Variants in MEF2A observed in about 807,000 individuals in gnomAD.
MEF2A encodes the protein myocyte enhancer factor 2A.
Under a neutral mutation model 55.8 loss-of-function variants are expected in MEF2A, and 28 were observed. The ratio of observed to expected loss-of-function variants is 0.50; its 90% CI spans 0.37 to 0.69. The LOEUF (loss-of-function observed/expected upper bound fraction) is 0.69, where lower values mean the gene tolerates loss of function less well. Among genes scored for constraint, MEF2A ranks in the 30% least tolerant of loss-of-function variants. The probability of loss-of-function intolerance (pLI) is 0.00; values close to 1 mark genes in which losing one functional copy is unlikely to be tolerated. For synonymous variants in MEF2A, 239 were observed against 227.1 expected (o/e 1.05, Z -0.47); for missense variants, 528 against 626.2 (o/e 0.84, Z 1.67).
rs1135555 is a variant in MEF2A at position 99,671,346 on chromosome 15, T to A, written c.282T>A (p.Asn94Lys). 1 of 1,611,412 alleles carries A rather than the reference T, an allele frequency of 6.2e-7. No individual in the cohort carries two copies. The change falls in exon 5 of 12, where the codon AAT becomes AAA. Residue 94 changes from asparagine to lysine, a missense_variant. Transcript: ENST00000557942. ...IVETLRKKGLNGCESPDADDY... is the reference protein window; with the variant it reads ...IVETLRKKGLKGCESPDADDY... ...AGACTTTAAGAAAGAAAGGCCTTAATGGTTGTGAGAGCCCTGATGCTGACG... is the reference window on the plus strand; with the variant it reads ...AGACTTTAAGAAAGAAAGGCCTTAAAGGTTGTGAGAGCCCTGATGCTGACG...
intron 7 of MEF2A, among the ~76,000 whole-genome samples, chr15:99,689,540 G>A (rs1390020271): frequency 1.3e-5 from 2 of 152,164 alleles, no homozygotes; most frequent in Non-Finnish European, 2.9e-5. Context: ...TAGTGCAGGG[G>A]CATGATCTCA....
At chr15:99,657,110 C>T (rs750446323) in intron 4 of MEF2A, among the ~76,000 whole-genome samples, 49 of 152,116 alleles carry the variant, frequency 3.2e-4, no homozygotes, top group Non-Finnish European at 6.3e-4. Context: ...AAGGTCCATC[C>T]GTATGGTAGC....
At chr15:99,690,195 T>G in intron 7 of MEF2A, 46 bp from the exon 8 acceptor site, 3 of 1,566,404 alleles carry the variant, frequency 1.9e-6, no homozygotes, top group Non-Finnish European at 2.6e-6. Flanking sequence ...TGCCAAAGTA[T>G]TTTAATAACT....
intron 2 of MEF2A, among the ~76,000 whole-genome samples, chr15:99,611,570 G>T (rs933997464): frequency 6.6e-6 from 1 of 152,186 alleles, no homozygotes; most frequent in African/African-American, 2.4e-5. Context: ...TACTTTGCTG[G>T]TGGTAATGTG....
intron 3 of MEF2A, among the ~76,000 whole-genome samples, chr15:99,644,620 C>G (rs2045630011): frequency 6.6e-6 from 1 of 152,168 alleles, no homozygotes; most frequent in Non-Finnish European, 1.5e-5. Context: ...GGGAAAATTG[C>G]TGAACTTTAT....
chr15:99,567,831 ATG>A (rs1960396450), intron 1 of MEF2A, among the ~76,000 whole-genome samples: 1 of 152,218 alleles, frequency 6.6e-6, no homozygotes, highest in African/African-American at 2.4e-5. Flanking sequence ...TTTGTTATAT[ATG>A]GTGACACATT....
At chr15:99,641,811 A>G (rs2045030178) in intron 3 of MEF2A, among the ~76,000 whole-genome samples, 1 of 152,130 alleles carries the variant, frequency 6.6e-6, no homozygotes, top group African/African-American at 2.4e-5. Flanking sequence ...ATTTTCCAGC[A>G]TACCCTCTGG....
At chr15:99,604,964 G>C (rs1199122068) in intron 2 of MEF2A, among the ~76,000 whole-genome samples, 1 of 151,940 alleles carries the variant, frequency 6.6e-6, no homozygotes, top group Non-Finnish European at 1.5e-5. Context: ...GCTTTTGTTG[G>C]AGACAGAGTC....
rs747541615 is a variant in MEF2A at position 99,714,243 on chromosome 15, G to A, written c.*1472G>A. ...AAATGTGTTGTAACAGATTTTGTAA[G>A]GCATTATTTAAAACTTGCCTTTTGT... On this transcript the variant is annotated 3_prime_UTR_variant, in exon 12 of 12. Transcript: ENST00000557942. 2.6e-5 allele frequency: 4 copies of A among 152,132 alleles called. No individual in the cohort carries two copies. Among genetic ancestry groups the A allele is most frequent in the African/African-American group, 7.2e-5 (3 of 41,426 alleles). 9.4% of individuals were successfully genotyped at this position (152,132 alleles called of 1,614,324 possible).
chr15:99,696,907 G>A (rs895129736), intron 8 of MEF2A, among the ~76,000 whole-genome samples: 1 of 152,000 alleles, frequency 6.6e-6, no homozygotes, highest in Admixed American at 6.6e-5. Context: ...AAAATCCTCA[G>A]TAAAAAGTAA....
Position 99,712,930 on chromosome 15 carries a change from G to A in MEF2A, c.*159G>A, listed in dbSNP as rs2058825833. The A allele has an allele frequency of 1.3e-6, 1 of 767,150 alleles. No homozygotes were observed. Among genetic ancestry groups the A allele is most frequent in the Non-Finnish European group, 2.0e-6 (1 of 504,782 alleles). 47.5% of individuals were successfully genotyped at this position (767,150 alleles called of 1,614,324 possible). A position where few individuals can be genotyped will look rare whatever the true frequency, so the allele number is the denominator to read the frequency against. On this transcript the variant is annotated 3_prime_UTR_variant, in exon 12 of 12. Transcript: ENST00000557942. The surrounding 1 kb of genome is among the most constrained non-coding windows in gnomAD (Gnocchi z 4.1). ...ATGTGGGTGTGAGTGTGTATGTGTG[G>A]GTGTGTGTTACATACACAGAATCAG...
At chr15:99,576,939 G>C (rs1035578546) in intron 1 of MEF2A, among the ~76,000 whole-genome samples, 1 of 152,090 alleles carries the variant, frequency 6.6e-6, no homozygotes, top group Non-Finnish European at 1.5e-5. Flanking sequence ...GAGCCACCAC[G>C]CCTGGCCATA....
rs747362503 is a variant in MEF2A, at chr15:99,712,374, CTT to C, written c.1137-9_1137-8del. The C allele has an allele frequency of 6.6e-7, 1 of 1,511,142 alleles. No individual in the cohort carries two copies. The highest frequency in any genetic ancestry group is 2.1e-5 in the Admixed American group (1 of 48,496). 93.6% of individuals were successfully genotyped at this position (1,511,142 alleles called of 1,614,324 possible). Reference sequence around the variant, plus strand: ...TACTTGCAAGCCATCTGACCTCTCTCTTTTTTTTCCTTCAGTGCTGGAGGGCA... The same window carrying C: ...TACTTGCAAGCCATCTGACCTCTCTCTTTTTTCCTTCAGTGCTGGAGGGCA... On this transcript the variant is annotated splice_polypyrimidine_tract_variant and intron_variant, in intron 11 of 11. Transcript: ENST00000557942. This position sits in a 1 kb window ranked among gnomAD's most constrained non-coding sequence, Gnocchi z 4.1.
chr15:99,581,707 A>G (rs1965988133), intron 1 of MEF2A, among the ~76,000 whole-genome samples: 1 of 152,112 alleles, frequency 6.6e-6, no homozygotes, highest in South Asian at 2.1e-4. Flanking sequence ...CTTTGCTTCT[A>G]GGAGGTAATG....
intron 2 of MEF2A, among the ~76,000 whole-genome samples, chr15:99,613,031 T>C (rs1596476286): frequency 1.3e-5 from 2 of 152,196 alleles, no homozygotes; most frequent in African/African-American, 4.8e-5. Context: ...TGCGTAGATA[T>C]AATGCAATCA....
chr15:99,637,878 C>T (rs112232145), intron 3 of MEF2A, among the ~76,000 whole-genome samples: 10 of 152,216 alleles, frequency 6.6e-5, no homozygotes, highest in Admixed American at 2.0e-4. Flanking sequence ...CTCCTGACCT[C>T]GTGATCTGCC....
At position 99,706,225 on chromosome 15, in the gene MEF2A, G is replaced by C. The variant is rs550150915; in HGVS notation, c.883-504G>C. Reference sequence around the variant, plus strand: ...AAAATAGGTCAACTGCATGATTGGAGAGAAAGAAATAAGAATACAAGCTGC... The same window carrying C: ...AAAATAGGTCAACTGCATGATTGGACAGAAAGAAATAAGAATACAAGCTGC... On this transcript the variant is annotated intron_variant, in intron 9 of 11. Transcript: ENST00000557942. Among the ~76,000 whole-genome samples, 118 of 152,352 alleles carry C rather than the reference G, an allele frequency of 7.7e-4. 1 individual carries two copies. The highest frequency in any genetic ancestry group is 2.3e-3 in the African/African-American group (97 of 41,586).
chr15:99,568,694 AC>A, intron 1 of MEF2A, among the ~76,000 whole-genome samples: 1 of 152,260 alleles, frequency 6.6e-6, no homozygotes, highest in East Asian at 1.9e-4. Flanking sequence ...AGTTTGGAAA[AC>A]CATCTTTTTT....
At chr15:99,704,711 A>G (rs114751311) in intron 9 of MEF2A, among the ~76,000 whole-genome samples, 1,777 of 152,334 alleles carry the variant, frequency 0.012, 40 homozygotes, top group African/African-American at 0.04. Context: ...GGTAGGGTCC[A>G]GGCCAAACTA....
Sources: gnomAD v4.1 joint callset for allele counts (sites outside exome capture counted in the v4.1 genomes callset) on GRCh38, gnomAD v4.1.1 for gene constraint, Gnocchi (gnomAD v3.1) non-coding constraint, MANE v1.5 for transcripts, NCBI Gene and HGNC (gene_info 2026-07-23, HGNC 2026-07-21) for gene names.